EIF5A2: variants seen among roughly 807,000 people sequenced by gnomAD.
The protein encoded by EIF5A2 is eukaryotic translation initiation factor 5A-2.
Under a neutral mutation model 16.4 loss-of-function variants are expected in EIF5A2, and 15 were observed. The ratio of observed to expected loss-of-function variants is 0.92; its 90% CI spans 0.61 to 1.41. The LOEUF is 1.41. Among genes scored for constraint, EIF5A2 ranks in the 40% most tolerant of loss-of-function variants. The pLI, the probability that EIF5A2 is intolerant of heterozygous loss-of-function variation, is 0.00. For missense variants in EIF5A2, 144 were observed against 189.5 expected (o/e 0.76, Z 1.41); for synonymous variants, 48 against 61.1 (o/e 0.79, Z 1.00).
At chr3:170,901,835 T>G (rs1406020500) in intron 3 of EIF5A2, among the ~76,000 whole-genome samples, 2 of 152,258 alleles carry the variant, frequency 1.3e-5, no homozygotes, top group Non-Finnish European at 2.9e-5. Context: ...TTCCTTTTTA[T>G]TTCTTCCTTC....
intron 3 of EIF5A2, among the ~76,000 whole-genome samples, chr3:170,897,773 GA>G (rs1712709776): frequency 6.6e-6 from 1 of 152,222 alleles, no homozygotes. Context: ...TCCCCACTGG[GA>G]CACTGCCTAG....
rs1380075761 is a variant in EIF5A2 at position 170,891,041 on chromosome 3, GAAGA to G, written c.*2315_*2318del. The G allele has an allele frequency of 6.6e-6, 1 of 152,654 alleles. No homozygotes were observed. The highest frequency in any genetic ancestry group is 1.5e-5 in the Non-Finnish European group (1 of 67,994). The allele number at this position is 152,654 out of a possible 1,614,324, so 9.5% of individuals were successfully genotyped here. A position where few individuals can be genotyped will look rare whatever the true frequency, so the allele number is the denominator to read the frequency against. The stretch of plus-strand genomic sequence containing the variant: ...AAATAGCGTTTGCCATTCAAAGTAT[GAAGA>G]TAGAGATGCATTATTATAATTTGTA... On this transcript the variant is annotated 3_prime_UTR_variant, in exon 5 of 5. Coordinates refer to ENST00000295822, the MANE Select transcript of EIF5A2 (RefSeq NM_020390.6).
intron 4 of EIF5A2, 92 bp from the exon 5 acceptor site, chr3:170,893,511 T>C: frequency 5.1e-6 from 7 of 1,386,012 alleles, no homozygotes; most frequent in Non-Finnish European, 6.9e-6. Flanking sequence ...TTTGTGGATA[T>C]TTTGTACATA....
At chr3:170,907,896 G>A (rs1441808179) in intron 1 of EIF5A2, 55 bp from the exon 2 acceptor site, 2 of 1,333,958 alleles carry the variant, frequency 1.5e-6, no homozygotes, top group East Asian at 2.4e-5. Context: ...GCAGGGAAAC[G>A]TCTCATTTCG....
At chr3:170,901,716 C>T (rs1006996001) in intron 3 of EIF5A2, among the ~76,000 whole-genome samples, 3 of 152,012 alleles carry the variant, frequency 2.0e-5, no homozygotes, top group East Asian at 1.9e-4. Context: ...CTGGGATTAC[C>T]GGCGTGAGCC....
chr3:170,906,969 TA>T lies in EIF5A2; in HGVS notation c.270+19del. The T allele has an allele frequency of 6.6e-7, 1 of 1,513,100 alleles. No homozygotes were observed. Among genetic ancestry groups the T allele is most frequent in the Non-Finnish European group, 9.1e-7 (1 of 1,098,722 alleles). 93.7% of individuals were successfully genotyped at this position (1,513,100 alleles called of 1,614,324 possible). ...CACCTTGAAGAAACAAGCAACATTC[TA>T]AAGAAAATCAGTGCTTACTTGATAA... On this transcript the variant is annotated intron_variant, in intron 3 of 4. Transcript: ENST00000295822.
chr3:170,902,398 CTTTTTTTTTT>C (rs36044967), intron 3 of EIF5A2, among the ~76,000 whole-genome samples: 13 of 91,386 alleles, frequency 1.4e-4, no homozygotes, highest in African/African-American at 5.8e-4. Context: ...GCCATTCAGC[CTTTTTTTTTT>C]TTTTTTTTTT....
intron 3 of EIF5A2, among the ~76,000 whole-genome samples, chr3:170,896,775 A>T (rs564029180): frequency 3.3e-5 from 5 of 152,364 alleles, no homozygotes; most frequent in African/African-American, 1.2e-4. Context: ...ATAAGGAAAC[A>T]ACTTTGGAAC....
chr3:170,889,330 AC>A lies in EIF5A2; in HGVS notation c.*4029del, dbSNP rs1712471152. The A allele has an allele frequency of 6.6e-6, 1 of 152,464 alleles. No homozygotes were observed. Among genetic ancestry groups the A allele is most frequent in the African/African-American group, 2.4e-5 (1 of 41,422 alleles). 9.4% of individuals were successfully genotyped at this position (152,464 alleles called of 1,614,324 possible). ...TGGCTTCAAGCCATGTTCCCATAGA[AC>A]ATCTGTGTTTCATAAGCTAAATCCA... On this transcript the variant is annotated 3_prime_UTR_variant, in exon 5 of 5. Coordinates refer to ENST00000295822, the MANE Select transcript of EIF5A2 (RefSeq NM_020390.6).
intron 3 of EIF5A2, among the ~76,000 whole-genome samples, chr3:170,903,338 C>T (rs558681606): frequency 6.6e-6 from 1 of 152,162 alleles, no homozygotes; most frequent in African/African-American, 2.4e-5. Flanking sequence ...GCTCACGTAC[C>T]CTATCATTCC....
chr3:170,907,607 G>A (rs761575202), intron 2 of EIF5A2, 35 bp downstream of exon 2: 5 of 1,535,072 alleles, frequency 3.3e-6, no homozygotes, highest in Admixed American at 3.7e-5. Context: ...AAGTCCCAAC[G>A]CCGAAGCCAA....
At chr3:170,897,556 A>G (rs914571612) in intron 3 of EIF5A2, among the ~76,000 whole-genome samples, 17 of 152,192 alleles carry the variant, frequency 1.1e-4, no homozygotes, top group African/African-American at 4.1e-4. Context: ...TGTAAGCCCT[A>G]ATCCTTGGTG....
intron 3 of EIF5A2, among the ~76,000 whole-genome samples, chr3:170,899,350 C>T (rs777043292): frequency 1.3e-5 from 2 of 152,178 alleles, no homozygotes; most frequent in East Asian, 3.9e-4. Context: ...CCAACTCAGC[C>T]TCCCGAGTTA....
At chr3:170,894,137 C>G (rs905254367) in intron 4 of EIF5A2, among the ~76,000 whole-genome samples, 155 bp downstream of exon 4, 6 of 152,200 alleles carry the variant, frequency 3.9e-5, no homozygotes, top group East Asian at 1.9e-4. Flanking sequence ...TAATGAGTCT[C>G]TAAGGGTTTT....
At chr3:170,894,547 G>A (rs1560009209) in intron 3 of EIF5A2, 124 bp from the exon 4 acceptor site, 14 of 714,844 alleles carry the variant, frequency 2.0e-5, no homozygotes, top group South Asian at 6.9e-5. Context: ...TAATATTCTT[G>A]GTATTTAAAA....
At position 170,894,443 on chromosome 3, in the gene EIF5A2, C is replaced by T; in HGVS notation, c.271-20G>A. The stretch of plus-strand genomic sequence containing the variant: ...TATCAGCTATTAGAAGAAATTATAT[C>T]ATTTGTGCTGATTAGATTATATCCA... On this transcript the variant is annotated intron_variant, in intron 3 of 4. Coordinates refer to ENST00000295822, the MANE Select transcript of EIF5A2 (RefSeq NM_020390.6). The T allele has an allele frequency of 6.2e-7, 1 of 1,612,096 alleles. No homozygotes were observed. The highest frequency in any genetic ancestry group is 8.5e-7 in the Non-Finnish European group (1 of 1,178,776).
Position 170,893,437 on chromosome 3 carries a change from G to C in EIF5A2, c.403-18C>G. The C allele has an allele frequency of 6.2e-7, 1 of 1,613,140 alleles. No homozygotes were observed. The highest frequency in any genetic ancestry group is 8.5e-7 in the Non-Finnish European group (1 of 1,179,648). The stretch of plus-strand genomic sequence containing the variant: ...ACAGACACCTAGAAGGAAAAAAGCA[G>C]GCAAAACGTTATTCAGAAGACAATA... On this transcript the variant is annotated intron_variant, in intron 4 of 4. Coordinates refer to ENST00000295822, the MANE Select transcript of EIF5A2 (RefSeq NM_020390.6).
chr3:170,906,946 C>T, intron 3 of EIF5A2, 43 bp downstream of exon 3: 1 of 1,380,226 alleles, frequency 7.2e-7, no homozygotes, highest in Non-Finnish European at 1.0e-6. Context: ...AGTATTTGCA[C>T]CTTGAAGAAA....
chr3:170,891,914 C>T lies in EIF5A2; in HGVS notation c.*1446G>A, dbSNP rs1376236241. ...ATTTGCTAGTTATAGTTCACACCAGCAACTGAATTAAGTCACACAACAATC... is the reference window on the plus strand; with the variant it reads ...ATTTGCTAGTTATAGTTCACACCAGTAACTGAATTAAGTCACACAACAATC... On this transcript the variant is annotated 3_prime_UTR_variant, in exon 5 of 5. Transcript: ENST00000295822. 1 of 152,438 alleles carries T rather than the reference C, an allele frequency of 6.6e-6. No individual in the cohort carries two copies. Among genetic ancestry groups the T allele is most frequent in the Admixed American group, 6.6e-5 (1 of 15,250 alleles). The allele number at this position is 152,438 out of a possible 1,614,324, so 9.4% of individuals were successfully genotyped here.
Sources: gnomAD v4.1 joint callset for allele counts (sites outside exome capture counted in the v4.1 genomes callset) on GRCh38, gnomAD v4.1.1 for gene constraint, MANE v1.5 for transcripts, NCBI Gene and HGNC (gene_info 2026-07-23, HGNC 2026-07-21) for gene names.